Variants in OPCML observed in about 807,000 individuals in gnomAD.
OPCML encodes opioid binding protein/cell adhesion molecule like.
A neutral mutation model predicts 37.8 loss-of-function variants in OPCML; 13 were observed. The observed-to-expected ratio is 0.34, with a 90% CI of 0.22 to 0.55. The LOEUF is 0.55. OPCML is among the 20% of genes least tolerant of loss of function. The pLI, the probability that OPCML is intolerant of heterozygous loss-of-function variation, is 0.91. For synonymous variants in OPCML, 176 were observed against 168.8 expected (o/e 1.04, Z -0.33); for missense variants, 341 against 435.6 (o/e 0.78, Z 1.93).
intron 1 of OPCML, among the ~76,000 whole-genome samples, chr11:133,316,705 T>C (rs148465942): frequency 6.8e-4 from 103 of 152,322 alleles, no homozygotes; most frequent in African/African-American, 2.4e-3. Flanking sequence ...ATCTAGCTTT[T>C]TGGTTTTGTT....
At chr11:133,181,407 C>G (rs1937826807) in intron 1 of OPCML, among the ~76,000 whole-genome samples, 1 of 152,056 alleles carries the variant, frequency 6.6e-6, no homozygotes, top group Non-Finnish European at 1.5e-5. Flanking sequence ...CAGGATTTCT[C>G]TGTATCATTT....
At chr11:132,621,186 G>C (rs1939386856) in intron 3 of OPCML, among the ~76,000 whole-genome samples, 1 of 152,180 alleles carries the variant, frequency 6.6e-6, no homozygotes, top group Non-Finnish European at 1.5e-5. Context: ...TGCATCTTAA[G>C]TGAAACGTTC....
Position 132,720,421 on chromosome 11 carries a change from T to G in OPCML, c.147-63102A>C, listed in dbSNP as rs114422534. ...AAGGAAAAGATAAATGATCATCCAT[T>G]TTAAATTCCAAACTCATTTCTCCAA... On this transcript the variant is annotated intron_variant, in intron 2 of 7. Transcript: ENST00000524381. Among the ~76,000 whole-genome samples, 274 of 152,354 alleles carry G rather than the reference T, an allele frequency of 1.8e-3. 1 individual carries two copies. The highest frequency in any genetic ancestry group is 6.3e-3 in the African/African-American group (263 of 41,576).
chr11:132,917,310 G>T (rs137938373), intron 2 of OPCML, among the ~76,000 whole-genome samples: 2 of 152,228 alleles, frequency 1.3e-5, no homozygotes, highest in East Asian at 1.9e-4. Context: ...TTTTATCACT[G>T]CTGATTTAAT....
intron 2 of OPCML, among the ~76,000 whole-genome samples, chr11:132,663,871 C>T (rs543067578): frequency 1.3e-5 from 2 of 152,140 alleles, no homozygotes; most frequent in African/African-American, 2.4e-5. Context: ...CTCACTCTGT[C>T]GCCCAGGCTT....
In OPCML at chr11:132,945,747, T is replaced by C. The variant is rs1440437508; in HGVS notation, c.62-2737A>G. The stretch of plus-strand genomic sequence containing the variant: ...CGTTGTACAGTTGTACAAAAATATA[T>C]TCTTATATCCTTATTCTAAGCTTTT... On this transcript the variant is annotated intron_variant, in intron 1 of 7. Coordinates refer to ENST00000524381, the MANE Select transcript of OPCML (RefSeq NM_001012393.5). Among the ~76,000 whole-genome samples, 4 of 150,136 alleles carry C rather than the reference T, an allele frequency of 2.7e-5. No individual in the cohort carries two copies. In the East Asian group the frequency reaches 7.8e-4, roughly 29 times the overall value.
chr11:132,966,264 T>C (rs1946212291), intron 1 of OPCML, among the ~76,000 whole-genome samples: 1 of 152,170 alleles, frequency 6.6e-6, no homozygotes, highest in Non-Finnish European at 1.5e-5. Flanking sequence ...TATTTTCTAA[T>C]TACCCTTGTG....
At chr11:132,694,179 CTTTTTTTTTTTTTTT>C (rs1162305568) in intron 2 of OPCML, among the ~76,000 whole-genome samples, 938 of 42,996 alleles carry the variant, frequency 0.022, 13 homozygotes, top group Middle Eastern at 0.074. Context: ...AAATCAATGT[CTTTTTTTTTTTTTTT>C]TTTTTTTTTT....
At chr11:132,941,065 C>T (rs1233033318) in intron 2 of OPCML, among the ~76,000 whole-genome samples, 1 of 152,000 alleles carries the variant, frequency 6.6e-6, no homozygotes, top group East Asian at 1.9e-4. Flanking sequence ...AACAGTTATG[C>T]TAGAACATGT....
At chr11:133,015,146 T>C (rs1179094753) in intron 1 of OPCML, among the ~76,000 whole-genome samples, 1 of 152,024 alleles carries the variant, frequency 6.6e-6, no homozygotes, top group Non-Finnish European at 1.5e-5. Context: ...GATCTGACAA[T>C]ACCAGATAGA....
At position 132,500,545 on chromosome 11, in the gene OPCML, A is replaced by G. The variant is rs1473954860; in HGVS notation, c.505+28516T>C. Among the ~76,000 whole-genome samples, 19 of 152,268 alleles carry G rather than the reference A, an allele frequency of 1.2e-4. 1 individual carries two copies. Among genetic ancestry groups the G allele is most frequent in the Admixed American group, 1.0e-3 (16 of 15,292 alleles). On this transcript the variant is annotated intron_variant, in intron 4 of 7. Coordinates refer to ENST00000524381, the MANE Select transcript of OPCML (RefSeq NM_001012393.5). Reference sequence around the variant, plus strand: ...GTGTCTTTACATGCTGTAAATCCACATGGTTCCCTTTATTTATTATTTATT... The same window carrying G: ...GTGTCTTTACATGCTGTAAATCCACGTGGTTCCCTTTATTTATTATTTATT...
rs563431900 is a variant in OPCML, at chr11:133,062,273, T to C, written c.62-119263A>G. Among the ~76,000 whole-genome samples the C allele has an allele frequency of 7.2e-5, 11 of 152,312 alleles. No homozygotes were observed. The South Asian group carries it at 2.1e-3, about 29-fold the overall frequency. On this transcript the variant is annotated intron_variant, in intron 1 of 7. Coordinates refer to ENST00000524381, the MANE Select transcript of OPCML (RefSeq NM_001012393.5). ...ATACCTGTCCTTGCCTCTGCCAGAC[T>C]GGACAGACCCGAGTGAAAGGAAGTC...
rs769991916 is a variant in OPCML, at chr11:132,657,347, G to T, written c.147-28C>A. ...GCAGTGAGGCAGGGAGTGGTGGAGG[G>T]AGGAAGAAGGGAAAGAGAGAGAGTG... On this transcript the variant is annotated intron_variant, in intron 2 of 7. Coordinates refer to ENST00000524381, the MANE Select transcript of OPCML (RefSeq NM_001012393.5). 1.9e-6 allele frequency: 3 copies of T among 1,611,380 alleles called. No homozygotes were observed. The Admixed American group carries it at 5.0e-5, about 27-fold the overall frequency.
intron 2 of OPCML, among the ~76,000 whole-genome samples, chr11:132,697,177 T>C (rs1005258412): frequency 6.6e-6 from 1 of 152,206 alleles, no homozygotes; most frequent in African/African-American, 2.4e-5. Context: ...ATATTTAAGA[T>C]GCACAACATG....
chr11:132,495,764 G>A (rs1046610800), intron 4 of OPCML, among the ~76,000 whole-genome samples: 10 of 151,884 alleles, frequency 6.6e-5, no homozygotes, highest in East Asian at 1.9e-4. Flanking sequence ...GTGTAGTGGC[G>A]GGCGCCTGTG....
chr11:133,450,577 A>C (rs981292163), intron 1 of OPCML, among the ~76,000 whole-genome samples: 1 of 151,680 alleles, frequency 6.6e-6, no homozygotes, highest in Non-Finnish European at 1.5e-5. Flanking sequence ...AAATAGAAAA[A>C]CAAAATGGAA....
In OPCML at chr11:132,728,589, T is replaced by C. The variant is rs189122854; in HGVS notation, c.147-71270A>G. Reference sequence around the variant, plus strand: ...TGTTTGGTTTTTGAAGTTCTCTCCCTACTTCAACACAGCCTCCATGGTGAC... The same window carrying C: ...TGTTTGGTTTTTGAAGTTCTCTCCCCACTTCAACACAGCCTCCATGGTGAC... On this transcript the variant is annotated intron_variant, in intron 2 of 7. Coordinates refer to ENST00000524381, the MANE Select transcript of OPCML (RefSeq NM_001012393.5). Among the ~76,000 whole-genome samples, 502 of 152,344 alleles carry C rather than the reference T, an allele frequency of 3.3e-3. 3 individuals carry two copies. The highest frequency in any genetic ancestry group is 6.8e-3 in the Admixed American group (104 of 15,302).
chr11:132,509,071 T>G (rs1291616079), intron 4 of OPCML, among the ~76,000 whole-genome samples: 1 of 152,118 alleles, frequency 6.6e-6, no homozygotes, highest in Non-Finnish European at 1.5e-5. Context: ...CAGGCTGAGG[T>G]AGTCTCAGAT....
At chr11:133,253,095 G>A (rs1941192896) in intron 1 of OPCML, among the ~76,000 whole-genome samples, 1 of 149,584 alleles carries the variant, frequency 6.7e-6, no homozygotes, top group African/African-American at 2.5e-5. Context: ...TCAGTGAGCT[G>A]AGAGCATGCC....
Sources: gnomAD v4.1 joint callset for allele counts (sites outside exome capture counted in the v4.1 genomes callset) on GRCh38, gnomAD v4.1.1 for gene constraint, MANE v1.5 for transcripts, NCBI Gene and HGNC (gene_info 2026-07-23, HGNC 2026-07-21) for gene names.